Variants in SMYD3 observed in about 807,000 individuals in gnomAD.
The protein encoded by SMYD3 is histone-lysine N-methyltransferase SMYD3.
A neutral mutation model predicts 57.7 loss-of-function variants in SMYD3; 36 were observed. The ratio of observed to expected loss-of-function variants is 0.62; its 90% CI spans 0.48 to 0.82. SMYD3 has a LOEUF of 0.82. Among genes scored for constraint, SMYD3 ranks in the 40% least tolerant of loss-of-function variants. The pLI is 0.00. For synonymous variants in SMYD3, 211 were observed against 195.0 expected, an observed-to-expected ratio of 1.08 and a Z score of -0.68; for missense variants, 515 against 538.8, an observed-to-expected ratio of 0.96 and a Z score of 0.44.
chr1:246,088,140 T>G (rs1573002195), intron 5 of SMYD3, among the ~76,000 whole-genome samples: 1 of 152,108 alleles, frequency 6.6e-6, no homozygotes, highest in South Asian at 2.1e-4. Flanking sequence ...CATGCACTTA[T>G]GAGCAGGAAA....
At chr1:245,829,119 T>TTC (rs2049688644) in intron 10 of SMYD3, among the ~76,000 whole-genome samples, 1 of 1,912 alleles carries the variant, frequency 5.2e-4, no homozygotes, top group African/African-American at 9.0e-4. Flanking sequence ...AGACAATCAC[T>TTC]TTTTTTTTTT....
intron 1 of SMYD3, among the ~76,000 whole-genome samples, chr1:246,498,330 C>A (rs943830036): frequency 1.3e-5 from 2 of 152,196 alleles, no homozygotes; most frequent in African/African-American, 2.4e-5. Flanking sequence ...TAAAATTGAG[C>A]ATTATGGAGC....
intron 5 of SMYD3, among the ~76,000 whole-genome samples, chr1:246,094,696 A>C (rs985668226): frequency 6.6e-6 from 1 of 152,152 alleles, no homozygotes. Flanking sequence ...GCACAGGATC[A>C]CTCCTGGCTG....
At chr1:245,950,263 C>T (rs186716833) in intron 5 of SMYD3, among the ~76,000 whole-genome samples, 3 of 152,286 alleles carry the variant, frequency 2.0e-5, no homozygotes, top group East Asian at 1.9e-4. Flanking sequence ...AATTTTCCAT[C>T]TACCGACCCC....
chr1:245,848,263 CGA>C (rs1442429961), intron 10 of SMYD3, among the ~76,000 whole-genome samples: 1 of 135,508 alleles, frequency 7.4e-6, no homozygotes, highest in Non-Finnish European at 1.6e-5. Flanking sequence ...GCCACCATGC[CGA>C]GTTATTTTTT....
chr1:246,056,385 C>T (rs7550824), intron 5 of SMYD3, among the ~76,000 whole-genome samples: 11,707 of 152,070 alleles, frequency 0.077, 1,352 homozygotes, highest in African/African-American at 0.25. Context: ...AGATAACCTC[C>T]ATTTCATATG....
intron 10 of SMYD3, among the ~76,000 whole-genome samples, chr1:245,828,724 A>C (rs1012993741): frequency 4.0e-5 from 3 of 74,132 alleles, no homozygotes; most frequent in African/African-American, 1.3e-4. Flanking sequence ...TTTTTTTTTG[A>C]GACAGGGTCT....
chr1:246,076,155 A>G (rs1421597161), intron 5 of SMYD3, among the ~76,000 whole-genome samples: 1 of 152,142 alleles, frequency 6.6e-6, no homozygotes, highest in Non-Finnish European at 1.5e-5. Flanking sequence ...AGTCCACTAA[A>G]ATGGTCAGAT....
intron 10 of SMYD3, among the ~76,000 whole-genome samples, chr1:245,838,869 A>G (rs1440337441): frequency 3.3e-5 from 5 of 152,228 alleles, no homozygotes; most frequent in Non-Finnish European, 4.4e-5. Context: ...GAGACATACA[A>G]TCCCACCCGT....
At chr1:246,193,744 A>G (rs933090319) in intron 5 of SMYD3, 1 of 122,422 alleles carries the variant, frequency 8.2e-6, no homozygotes, top group Non-Finnish European at 2.0e-5. Context: ...ACAACAGCAC[A>G]CTTCCTGTAG....
intron 10 of SMYD3, among the ~76,000 whole-genome samples, chr1:245,820,687 T>G (rs1226399004): frequency 6.6e-6 from 1 of 152,086 alleles, no homozygotes; most frequent in East Asian, 1.9e-4. Flanking sequence ...GATAAGCAAC[T>G]TCAGCAAAGT....
At chr1:246,348,059 G>GTTTT (rs1199988373) in intron 2 of SMYD3, among the ~76,000 whole-genome samples, 1 of 46,148 alleles carries the variant, frequency 2.2e-5, no homozygotes, top group Non-Finnish European at 4.9e-5. Context: ...TAAAGAAAAC[G>GTTTT]TTATATATAT....
rs1306945580 is a variant in SMYD3, at chr1:246,482,567, G to A, written c.164+24487C>T. 2.0e-5 allele frequency among the ~76,000 whole-genome samples: 3 copies of A among 152,118 alleles called. No individual in the cohort carries two copies. The East Asian group carries it at 5.8e-4, about 29-fold the overall frequency. On this transcript the variant is annotated intron_variant, in intron 1 of 11. Coordinates refer to ENST00000490107, the MANE Select transcript of SMYD3 (RefSeq NM_001167740.2). ...AACTGCAGATTAGCAGTCATGGTGG[G>A]CTCTCCACAGCTCTCACTCAGAGGT...
At chr1:246,336,464 G>A (rs1325301302) in intron 2 of SMYD3, among the ~76,000 whole-genome samples, 1 of 152,080 alleles carries the variant, frequency 6.6e-6, no homozygotes, top group Non-Finnish European at 1.5e-5. Context: ...CAAAATCAAT[G>A]TGCTGTTCAT....
At chr1:246,432,533 G>C (rs1410900128) in intron 1 of SMYD3, among the ~76,000 whole-genome samples, 1 of 152,184 alleles carries the variant, frequency 6.6e-6, no homozygotes, top group African/African-American at 2.4e-5. Flanking sequence ...AACAGCAGGA[G>C]ATTCTCTTTA....
intron 8 of SMYD3, among the ~76,000 whole-genome samples, chr1:245,900,721 C>G (rs2054130079): frequency 6.6e-6 from 1 of 152,170 alleles, no homozygotes; most frequent in African/African-American, 2.4e-5. Flanking sequence ...TCACTATGAC[C>G]CCCATTTTAA....
rs553138569 is a variant in SMYD3, at chr1:246,346,721, C to T, written c.228+8310G>A. 7.6e-4 allele frequency among the ~76,000 whole-genome samples: 116 copies of T among 152,196 alleles called. 1 individual carries two copies. The highest frequency in any genetic ancestry group is 2.6e-3 in the African/African-American group (107 of 41,498). ...CTCCACCTGGTCCTGGTCCCTACCG[C>T]GACACATGGGGATTATGGGAACCAC... On this transcript the variant is annotated intron_variant, in intron 2 of 11. Coordinates refer to ENST00000490107, the MANE Select transcript of SMYD3 (RefSeq NM_001167740.2).
intron 5 of SMYD3, among the ~76,000 whole-genome samples, chr1:245,998,192 T>C (rs12118500): frequency 0.52 from 78,467 of 152,060 alleles, 23,716 homozygotes; most frequent in Middle Eastern, 0.69. Context: ...ATCTTCCTGC[T>C]ATCAGCCCCT....
At chr1:245,977,321 C>T (rs2058470774) in intron 5 of SMYD3, among the ~76,000 whole-genome samples, 1 of 152,218 alleles carries the variant, frequency 6.6e-6, no homozygotes, top group African/African-American at 2.4e-5. Flanking sequence ...ACTCTTCTAG[C>T]CTTGCTCCCT....
Sources: gnomAD v4.1 joint callset for allele counts (sites outside exome capture counted in the v4.1 genomes callset) on GRCh38, gnomAD v4.1.1 for gene constraint, MANE v1.5 for transcripts, NCBI Gene and HGNC (gene_info 2026-07-23, HGNC 2026-07-21) for gene names.